RGS7: variants seen among roughly 807,000 people sequenced by gnomAD.
The protein encoded by RGS7 is regulator of G-protein signaling 7.
Under a neutral mutation model 81.1 loss-of-function variants are expected in RGS7, and 27 were observed. The ratio of observed to expected loss-of-function variants is 0.33; its 90% CI spans 0.25 to 0.46. The LOEUF is 0.46. Ranked by LOEUF, RGS7 falls within the 20% of genes least tolerant of loss-of-function variation. RGS7 has a pLI of 1.00. For missense variants in RGS7, 396 were observed against 607.4 expected, an observed-to-expected ratio of 0.65 and a Z score of 3.66; for synonymous variants, 208 against 207.7, an observed-to-expected ratio of 1.00 and a Z score of -0.01.
chr1:240,861,899 T>C (rs932612701), intron 9 of RGS7, among the ~76,000 whole-genome samples: 1 of 152,202 alleles, frequency 6.6e-6, no homozygotes, highest in African/African-American at 2.4e-5. Flanking sequence ...GAAGTTTCAC[T>C]GCAATTTAGC....
intron 10 of RGS7, among the ~76,000 whole-genome samples, chr1:240,826,174 A>G (rs777213720): frequency 9.9e-5 from 15 of 152,212 alleles, no homozygotes; most frequent in Non-Finnish European, 2.1e-4. Flanking sequence ...TCCTACGGGC[A>G]GAAGCATTTG....
chr1:240,898,353 T>C (rs1222006868), intron 6 of RGS7, among the ~76,000 whole-genome samples: 1 of 152,240 alleles, frequency 6.6e-6, no homozygotes, highest in Non-Finnish European at 1.5e-5. Context: ...CTTGCTTCTC[T>C]AGTTCTTTTA....
chr1:241,088,067 CAT>C (rs755780887), intron 3 of RGS7, among the ~76,000 whole-genome samples: 17 of 144,836 alleles, frequency 1.2e-4, no homozygotes, highest in Middle Eastern at 3.5e-3. Context: ...CACACACACA[CAT>C]ATATATATAT....
rs189924121 is a variant in RGS7 at position 240,992,232 on chromosome 1, G to A, written c.176-9103C>T. On this transcript the variant is annotated intron_variant, in intron 3 of 18. Transcript: ENST00000440928. ...CAAAACTACAGCTCAGGCCGGGCGC[G>A]TTGGCTCATGCCTGTAATCCCAGCA... Among the ~76,000 whole-genome samples the A allele has an allele frequency of 2.0e-4, 31 of 152,296 alleles. 1 individual carries two copies. The highest frequency in any genetic ancestry group is 1.8e-3 in the Admixed American group (27 of 15,298).
chr1:240,797,589 T>C (rs554105364), intron 18 of RGS7, among the ~76,000 whole-genome samples: 1 of 152,276 alleles, frequency 6.6e-6, no homozygotes, highest in East Asian at 1.9e-4. Flanking sequence ...TGACCTCAGG[T>C]GATCCACCCG....
chr1:241,306,641 T>C (rs923845600), intron 2 of RGS7, among the ~76,000 whole-genome samples: 6 of 144,108 alleles, frequency 4.2e-5, no homozygotes, highest in Admixed American at 2.1e-4. Context: ...CACATGCACG[T>C]ACCCTTTCAC....
intron 2 of RGS7, among the ~76,000 whole-genome samples, chr1:241,322,387 T>C (rs1472900626): frequency 5.3e-5 from 8 of 152,238 alleles, no homozygotes; most frequent in Non-Finnish European, 4.4e-5. Context: ...TTTGATAGAT[T>C]CAGAGGTTGC....
rs529559529 is a variant in RGS7, at chr1:240,937,256, G to C, written c.227-550C>G. On this transcript the variant is annotated intron_variant, in intron 4 of 18. Transcript: ENST00000440928. ...TCCCTCCTTTGTTCGGTGTGCTCTCGCAGTGGCCAGAAGTGCGAGTGGCAC... is the reference window on the plus strand; with the variant it reads ...TCCCTCCTTTGTTCGGTGTGCTCTCCCAGTGGCCAGAAGTGCGAGTGGCAC... 2.0e-4 allele frequency among the ~76,000 whole-genome samples: 31 copies of C among 152,272 alleles called. No homozygotes were observed. In the East Asian group the frequency reaches 5.8e-3, roughly 28 times the overall value.
Position 241,293,099 on chromosome 1 carries a change from G to A in RGS7, c.78+62600C>T, listed in dbSNP as rs115493992. Among the ~76,000 whole-genome samples the A allele has an allele frequency of 4.9e-3, 750 of 152,288 alleles. 8 individuals are homozygous for A. Among genetic ancestry groups the A allele is most frequent in the African/African-American group, 0.017 (720 of 41,560 alleles). The stretch of plus-strand genomic sequence containing the variant: ...ATTGCTTAACAACATTTCAGTCAAC[G>A]GTGGACTGCAGATATGACAATGGTT... On this transcript the variant is annotated intron_variant, in intron 2 of 18. Coordinates refer to ENST00000440928, the MANE Select transcript of RGS7 (RefSeq NM_001364886.1).
intron 2 of RGS7, among the ~76,000 whole-genome samples, chr1:241,308,577 T>G (rs2080312583): frequency 1.3e-5 from 2 of 152,188 alleles, no homozygotes; most frequent in South Asian, 4.1e-4. Context: ...TTCAGCAGGC[T>G]TGGGCTAGAC....
At chr1:241,285,257 A>G (rs2078751633) in intron 2 of RGS7, among the ~76,000 whole-genome samples, 1 of 152,064 alleles carries the variant, frequency 6.6e-6, no homozygotes, top group South Asian at 2.1e-4. Context: ...GTCTGTGCCC[A>G]TTGGCATTGC....
At chr1:241,184,070 A>T (rs1272000801) in intron 2 of RGS7, among the ~76,000 whole-genome samples, 1 of 152,218 alleles carries the variant, frequency 6.6e-6, no homozygotes, top group Non-Finnish European at 1.5e-5. Flanking sequence ...GCAACTTTGC[A>T]CCCATCAACA....
chr1:241,283,026 A>G (rs774140779), intron 2 of RGS7, among the ~76,000 whole-genome samples: 1 of 152,126 alleles, frequency 6.6e-6, no homozygotes, highest in Non-Finnish European at 1.5e-5. Context: ...TCATCATTTT[A>G]CCAGTTTGAG....
rs146535925 is a variant in RGS7, at chr1:240,832,455, C to T, written c.610-5283G>A. On this transcript the variant is annotated intron_variant, in intron 9 of 18. Coordinates refer to ENST00000440928, the MANE Select transcript of RGS7 (RefSeq NM_001364886.1). The stretch of plus-strand genomic sequence containing the variant: ...TGGAAGCCACTCCTGAGGGAGTAAA[C>T]GGAGCATATCATTGAGAAATACTAC... 2.0e-3 allele frequency among the ~76,000 whole-genome samples: 301 copies of T among 152,296 alleles called. 2 individuals carry two copies. The highest frequency in any genetic ancestry group is 5.2e-3 in the African/African-American group (217 of 41,552).
At position 241,002,741 on chromosome 1, in the gene RGS7, G is replaced by C. The variant is rs369094939; in HGVS notation, c.176-19612C>G. Among the ~76,000 whole-genome samples, 7 of 152,238 alleles carry C rather than the reference G, an allele frequency of 4.6e-5. No homozygotes were observed. The East Asian group carries it at 1.4e-3, about 29-fold the overall frequency. ...ATGAATGGAAAAACTTTGAGAAATT[G>C]ACAAAGAGACCAGAAAACCAATAGC... On this transcript the variant is annotated intron_variant, in intron 3 of 18. Coordinates refer to ENST00000440928, the MANE Select transcript of RGS7 (RefSeq NM_001364886.1).
At chr1:240,790,016 C>T (rs2103005570) in intron 18 of RGS7, among the ~76,000 whole-genome samples, 1 of 152,238 alleles carries the variant, frequency 6.6e-6, no homozygotes. Context: ...TGTACTCTGT[C>T]CCTTTATTTC....
chr1:240,953,717 C>T (rs1397854350), intron 4 of RGS7, among the ~76,000 whole-genome samples: 1 of 151,734 alleles, frequency 6.6e-6, no homozygotes, highest in Non-Finnish European at 1.5e-5. Context: ...GCAATTTAAA[C>T]CTAGAGTAAT....
At chr1:240,823,274 C>T (rs1692140326) in intron 10 of RGS7, 1 of 634,472 alleles carries the variant, frequency 1.6e-6, no homozygotes. Flanking sequence ...TCTCCACTTC[C>T]GACACTGGCC....
intron 3 of RGS7, among the ~76,000 whole-genome samples, chr1:241,008,036 T>C (rs1245210706): frequency 6.6e-6 from 1 of 152,206 alleles, no homozygotes; most frequent in Non-Finnish European, 1.5e-5. Flanking sequence ...AGGCAAATTC[T>C]GCCTTTTCTG....
Sources: allele counts gnomAD v4.1 joint callset (sites outside exome capture counted in the v4.1 genomes callset), GRCh38; gene constraint gnomAD v4.1.1; transcripts MANE v1.5; gene names NCBI Gene and HGNC (gene_info 2026-07-23, HGNC 2026-07-21).